POU1F1: variants seen among roughly 807,000 people sequenced by gnomAD.
POU1F1 encodes POU class 1 homeobox 1, also known as pituitary-specific positive transcription factor 1.
In POU1F1, 23 loss-of-function variants were observed where a neutral mutation model predicts 32.3. The observed-to-expected ratio is 0.71, with a 90% CI of 0.51 to 1.01. POU1F1 has a LOEUF of 1.01. POU1F1 is among the 50% of genes least tolerant of loss of function. The pLI is 0.00. For synonymous variants in POU1F1, 120 were observed against 115.6 expected, an observed-to-expected ratio of 1.04 and a Z score of -0.25; for missense variants, 323 against 341.6, an observed-to-expected ratio of 0.95 and a Z score of 0.43.
intron 2 of POU1F1, among the ~76,000 whole-genome samples, chr3:87,271,910 T>G (rs987115864): frequency 6.6e-6 from 1 of 152,144 alleles, no homozygotes; most frequent in Non-Finnish European, 1.5e-5. Context: ...CTTGATAGAA[T>G]GTAGGAGAAG....
intron 2 of POU1F1, among the ~76,000 whole-genome samples, chr3:87,270,078 A>ACTT (rs993323190): frequency 2.0e-5 from 3 of 152,056 alleles, no homozygotes; most frequent in African/African-American, 7.2e-5. Context: ...TCTAGGAGAG[A>ACTT]CTTTGAACAG....
At chr3:87,268,084 CTTTTTTT>C (rs11387958) in intron 2 of POU1F1, among the ~76,000 whole-genome samples, 2 of 116,464 alleles carry the variant, frequency 1.7e-5, no homozygotes, top group Non-Finnish European at 3.5e-5. Flanking sequence ...TTCCCTTTCC[CTTTTTTT>C]TTTTTTTTTT....
intron 1 of POU1F1, among the ~76,000 whole-genome samples, chr3:87,273,782 C>T (rs1383502210): frequency 6.6e-6 from 1 of 152,096 alleles, no homozygotes; most frequent in East Asian, 1.9e-4. Flanking sequence ...TTGCAGAATG[C>T]TTGTTGGTTC....
intron 4 of POU1F1, 66 bp from the exon 5 acceptor site, chr3:87,261,399 T>G (rs1706512939): frequency 1.6e-6 from 2 of 1,244,034 alleles, no homozygotes. Context: ...ACGATCTGAT[T>G]TGGATTTCAA....
At chr3:87,268,531 TC>T (rs1706669031) in intron 2 of POU1F1, among the ~76,000 whole-genome samples, 1 of 152,166 alleles carries the variant, frequency 6.6e-6, no homozygotes, top group African/African-American at 2.4e-5. Flanking sequence ...AACCTCTGTT[TC>T]TAGCATCTGA....
chr3:87,273,289 A>G, intron 2 of POU1F1, 58 bp downstream of exon 2: 1 of 1,520,430 alleles, frequency 6.6e-7, no homozygotes, highest in East Asian at 2.3e-5. Flanking sequence ...TTTCAGGCCC[A>G]GAAAATCCAT....
At chr3:87,271,746 T>C (rs1171041196) in intron 2 of POU1F1, among the ~76,000 whole-genome samples, 1 of 152,148 alleles carries the variant, frequency 6.6e-6, no homozygotes, top group Non-Finnish European at 1.5e-5. Context: ...ATTAAGCATG[T>C]TGATCATAAA....
chr3:87,275,336 C>CAA (rs1706806458), intron 1 of POU1F1, among the ~76,000 whole-genome samples: 3 of 151,962 alleles, frequency 2.0e-5, no homozygotes, highest in African/African-American at 7.2e-5. Context: ...AGATTGGTGC[C>CAA]AAACTTACGC....
At chr3:87,264,761 T>A (rs982572891) in intron 2 of POU1F1, among the ~76,000 whole-genome samples, 2 of 152,134 alleles carry the variant, frequency 1.3e-5, no homozygotes, top group Non-Finnish European at 1.5e-5. Flanking sequence ...AGCAGGGGAC[T>A]GCAAATAACT....
rs372775583 is a variant in POU1F1 at position 87,266,260 on chromosome 3, T to G, written c.215-1748A>C. 3.5e-4 allele frequency among the ~76,000 whole-genome samples: 51 copies of G among 146,630 alleles called. No homozygotes were observed. In the East Asian group the frequency reaches 9.8e-3, roughly 28 times the overall value. On this transcript the variant is annotated intron_variant, in intron 2 of 5. Transcript: ENST00000350375. ...ATTTATATAAAATTTATATTTTATATAAATTTAATTTAATGTATTAAATTT... is the reference window on the plus strand; with the variant it reads ...ATTTATATAAAATTTATATTTTATAGAAATTTAATTTAATGTATTAAATTT...
intron 2 of POU1F1, among the ~76,000 whole-genome samples, chr3:87,269,131 T>TAGG (rs1207707768): frequency 6.6e-6 from 1 of 152,170 alleles, no homozygotes; most frequent in East Asian, 1.9e-4. Flanking sequence ...CTCTGTTGCT[T>TAGG]AGGCATAAAA....
intron 2 of POU1F1, 86 bp from the exon 3 acceptor site, chr3:87,264,598 C>T: frequency 1.9e-6 from 2 of 1,063,098 alleles, no homozygotes; most frequent in Non-Finnish European, 2.9e-6. Flanking sequence ...CCTGACTTAG[C>T]CCATTATTCT....
In POU1F1 at chr3:87,264,445, G is replaced by T. The variant is rs1329640297; in HGVS notation, c.282C>A (p.His94Gln). 4.3e-6 allele frequency: 7 copies of T among 1,613,628 alleles called. No individual in the cohort carries two copies. Among genetic ancestry groups the T allele is most frequent in the Non-Finnish European group, 5.9e-6 (7 of 1,179,640 alleles). Reference protein sequence around the residue: ...HTLSHGFPPIHQPLLAEDPTA... With the variant: ...HTLSHGFPPIQQPLLAEDPTA... ...TGGGGTCCTCTGCCAGAAGAGGCTGGTGTATAGGAGGAAATCCATGACTCA... is the reference window on the plus strand; with the variant it reads ...TGGGGTCCTCTGCCAGAAGAGGCTGTTGTATAGGAGGAAATCCATGACTCA... Residue 94 changes from histidine (H) to glutamine (Q), a missense_variant, in exon 3 of 6, where the codon CAC becomes CAA. Physicochemically the swap from His to Gln is conservative, Grantham distance 24. Coordinates refer to ENST00000350375, the MANE Select transcript of POU1F1 (RefSeq NM_000306.4).
At chr3:87,264,262 T>C in intron 3 of POU1F1, 26 bp downstream of exon 3, 1 of 1,564,710 alleles carries the variant, frequency 6.4e-7, no homozygotes, top group Non-Finnish European at 8.8e-7. Flanking sequence ...AAGTTCTTTT[T>C]CCTGTTGCCT....
intron 1 of POU1F1, 43 bp downstream of exon 1, chr3:87,276,278 T>G: frequency 1.3e-6 from 2 of 1,597,086 alleles, no homozygotes; most frequent in Non-Finnish European, 1.7e-6. Context: ...CATTCTGAAA[T>G]ATTTAGGCCC....
At chr3:87,268,593 T>C (rs1240364259) in intron 2 of POU1F1, among the ~76,000 whole-genome samples, 2 of 152,138 alleles carry the variant, frequency 1.3e-5, no homozygotes, top group African/African-American at 4.8e-5. Flanking sequence ...TGTATAGCAA[T>C]ATGTTTTTCA....
chr3:87,262,238 G>C lies in POU1F1; in HGVS notation c.440-3C>G. 1 of 1,613,986 alleles carries C rather than the reference G, an allele frequency of 6.2e-7. No individual in the cohort carries two copies. Among genetic ancestry groups the C allele is most frequent in the Non-Finnish European group, 8.5e-7 (1 of 1,179,928 alleles). On this transcript the variant is annotated splice_polypyrimidine_tract_variant and splice_region_variant and intron_variant, in intron 3 of 5. Coordinates refer to ENST00000350375, the MANE Select transcript of POU1F1 (RefSeq NM_000306.4). ...CCCAACATTTGTCTGGGTGTATCCT[G>C]TGAAGGGACAATAAAGACCATCAGC...
intron 3 of POU1F1, among the ~76,000 whole-genome samples, chr3:87,263,881 A>G (rs1380269524): frequency 6.6e-6 from 1 of 151,970 alleles, no homozygotes; most frequent in Non-Finnish European, 1.5e-5. Context: ...TTACTTATAT[A>G]TCCATGAGAT....
chr3:87,269,628 G>T (rs1397500824), intron 2 of POU1F1, among the ~76,000 whole-genome samples: 1 of 152,082 alleles, frequency 6.6e-6, no homozygotes, highest in Non-Finnish European at 1.5e-5. Flanking sequence ...CAGTTGCCAG[G>T]CTGATTTCCG....
Sources: allele counts gnomAD v4.1 joint callset (sites outside exome capture counted in the v4.1 genomes callset), GRCh38; gene constraint gnomAD v4.1.1; transcripts MANE v1.5; gene names NCBI Gene and HGNC (gene_info 2026-07-23, HGNC 2026-07-21).